Variants in MPRIP observed in about 807,000 individuals in gnomAD.
MPRIP encodes myosin phosphatase Rho-interacting protein.
Under a neutral mutation model 234.9 loss-of-function variants are expected in MPRIP, and 59 were observed. The ratio of observed to expected loss-of-function variants is 0.25; its 90% CI spans 0.20 to 0.31. The LOEUF is 0.31. Among genes scored for constraint, MPRIP ranks in the 10% least tolerant of loss-of-function variants. The pLI, the probability that MPRIP is intolerant of heterozygous loss-of-function variation, is 1.00. For synonymous variants in MPRIP, 1,144 were observed against 1,263.9 expected (o/e 0.91, Z 2.01); for missense variants, 2,436 against 3,071.0 (o/e 0.79, Z 4.89).
chr17:17,050,495 C>T (rs572613555), intron 1 of MPRIP, among the ~76,000 whole-genome samples: 4 of 152,228 alleles, frequency 2.6e-5, no homozygotes, highest in Non-Finnish European at 2.9e-5. Context: ...GTGGTGTGGC[C>T]GCTGCCCGCA....
At chr17:17,051,320 C>T (rs1054632966) in intron 1 of MPRIP, among the ~76,000 whole-genome samples, 7 of 152,206 alleles carry the variant, frequency 4.6e-5, no homozygotes, top group African/African-American at 1.4e-4. Context: ...GGGAAGACAT[C>T]CTACTACTGG....
intron 21 of MPRIP, 57 bp downstream of exon 21, chr17:17,176,569 G>A (rs2046259207): frequency 1.2e-5 from 16 of 1,338,270 alleles, no homozygotes; most frequent in Admixed American, 3.4e-5. Context: ...GGTGACATGC[G>A]CCTCCTGAAC....
intron 3 of MPRIP, among the ~76,000 whole-genome samples, chr17:17,119,692 C>G (rs186104793): frequency 1.3e-5 from 2 of 152,216 alleles, no homozygotes; most frequent in Admixed American, 1.3e-4. Flanking sequence ...CCTGTGTCCT[C>G]CCTAGAACGT....
At chr17:17,096,869 G>A (rs1555569707) in intron 3 of MPRIP, 6 of 453,002 alleles carry the variant, frequency 1.3e-5, no homozygotes, top group South Asian at 7.9e-5. Flanking sequence ...GGGGCTCAGA[G>A]GTGGAAAATA....
At chr17:17,126,680 A>T in intron 3 of MPRIP, 22 bp from the exon 4 acceptor site, 3 of 1,599,520 alleles carry the variant, frequency 1.9e-6, no homozygotes, top group Non-Finnish European at 2.6e-6. Context: ...CCTCTGGGTG[A>T]CTCTCTGCCG....
intron 5 of MPRIP, 78 bp downstream of exon 5, chr17:17,131,779 G>C: frequency 1.5e-6 from 2 of 1,324,832 alleles, no homozygotes; most frequent in Non-Finnish European, 2.2e-6. Context: ...CCTGAGGTTA[G>C]AGGGTGAGGA....
chr17:17,159,401 G>A (rs1285736268), intron 14 of MPRIP, among the ~76,000 whole-genome samples: 2 of 152,268 alleles, frequency 1.3e-5, no homozygotes, highest in Non-Finnish European at 2.9e-5. Context: ...GCAGAGACCA[G>A]CCCCAGGTGC....
intron 1 of MPRIP, among the ~76,000 whole-genome samples, chr17:17,068,503 A>AT (rs1478935545): frequency 2.1e-5 from 3 of 146,110 alleles, no homozygotes; most frequent in Non-Finnish European, 3.0e-5. Flanking sequence ...TGTTTCACTG[A>AT]TTTTTTCATT....
intron 9 of MPRIP, among the ~76,000 whole-genome samples, chr17:17,144,145 G>T (rs2144517203): frequency 6.6e-6 from 1 of 152,316 alleles, no homozygotes; most frequent in Middle Eastern, 3.4e-3. Flanking sequence ...GGAAGGAGTG[G>T]TCAGGGTACA....
At chr17:17,180,721 A>C in intron 23 of MPRIP, 1 of 1,508,056 alleles carries the variant, frequency 6.6e-7, no homozygotes, top group South Asian at 1.1e-5. Context: ...CCCATGGCAA[A>C]CGCCTGTGTC....
intron 2 of MPRIP, chr17:17,077,308 G>A (rs1316952859): frequency 6.5e-6 from 1 of 152,734 alleles, no homozygotes; most frequent in Non-Finnish European, 1.5e-5. Context: ...ACACCGCATA[G>A]TCCATTTCAT....
chr17:17,117,907 A>C (rs1218534014), intron 3 of MPRIP, among the ~76,000 whole-genome samples: 1 of 152,268 alleles, frequency 6.6e-6, no homozygotes, highest in Non-Finnish European at 1.5e-5. Context: ...TAGTGAGTGC[A>C]GAGCTAGGAC....
intron 1 of MPRIP, among the ~76,000 whole-genome samples, chr17:17,044,129 T>C (rs1029046359): frequency 2.6e-5 from 4 of 152,190 alleles, no homozygotes; most frequent in African/African-American, 9.7e-5. Context: ...AGGTCAGGTT[T>C]CCAACTGCCA....
At chr17:17,077,566 G>A (rs2089362121) in intron 2 of MPRIP, 1 of 156,890 alleles carries the variant, frequency 6.4e-6, no homozygotes, top group Admixed American at 6.2e-5. Context: ...TTTTGTAGCA[G>A]TTTCCCAGGT....
chr17:17,176,298 A>T (rs2046251447), intron 20 of MPRIP, 128 bp from the exon 21 acceptor site: 1 of 712,296 alleles, frequency 1.4e-6, no homozygotes, highest in African/African-American at 1.8e-5. Flanking sequence ...GCTTGCCCGC[A>T]TTGGGCACCA....
chr17:17,185,764 C>A lies in MPRIP; in HGVS notation c.*870C>A. The A allele has an allele frequency of 2.9e-6, 1 of 341,454 alleles. No homozygotes were observed. The highest frequency in any genetic ancestry group is 5.7e-6 in the Non-Finnish European group (1 of 173,984). The allele number at this position is 341,454 out of a possible 1,614,324, so 21.2% of individuals were successfully genotyped here. ...TTGGGGGTTTGGGTTTTTTTTTTAC[C>A]TTTTGGAAAAGAAACCGTCACATTG... On this transcript the variant is annotated 3_prime_UTR_variant, in exon 24 of 24. Coordinates refer to ENST00000651222, the MANE Select transcript of MPRIP (RefSeq NM_001364716.4).
chr17:17,050,113 G>C (rs1321206474), intron 1 of MPRIP, among the ~76,000 whole-genome samples: 4 of 152,152 alleles, frequency 2.6e-5, no homozygotes, highest in African/African-American at 9.7e-5. Flanking sequence ...GGATCACGAG[G>C]TCAGGAGATC....
At position 17,185,622 on chromosome 17, in the gene MPRIP, A is replaced by G. The variant is rs1459390366; in HGVS notation, c.*728A>G. The G allele has an allele frequency of 2.2e-6, 1 of 454,458 alleles. No homozygotes were observed. Among genetic ancestry groups the G allele is most frequent in the Admixed American group, 2.4e-5 (1 of 42,430 alleles). The allele number at this position is 454,458 out of a possible 1,614,324, so 28.2% of individuals were successfully genotyped here. ...TCCGCTCGTTCCTTTCTTGGTCTCC[A>G]GTAACCCTGGTCTTTTCATAACTGC... On this transcript the variant is annotated 3_prime_UTR_variant, in exon 24 of 24. Transcript: ENST00000651222.
At chr17:17,057,538 A>G (rs923212219) in intron 1 of MPRIP, 37 of 711,050 alleles carry the variant, frequency 5.2e-5, no homozygotes, top group Admixed American at 4.0e-5. Flanking sequence ...AGAGCCCCAC[A>G]GTGGTCCCCA....
Sources: allele counts gnomAD v4.1 joint callset (sites outside exome capture counted in the v4.1 genomes callset), GRCh38; gene constraint gnomAD v4.1.1; transcripts MANE v1.5; gene names NCBI Gene and HGNC (gene_info 2026-07-23, HGNC 2026-07-21).